The following PYGL variants were observed in gnomAD, a reference collection of about 807,000 sequenced individuals.
PYGL encodes the protein glycogen phosphorylase, liver form.
A neutral mutation model predicts 100.1 loss-of-function variants in PYGL; 90 were observed. The ratio of observed to expected loss-of-function variants is 0.90; its 90% confidence interval spans 0.76 to 1.07. PYGL has a LOEUF of 1.07. Ranked by LOEUF, PYGL falls within the 50% of genes least tolerant of loss-of-function variation. PYGL has a pLI of 0.00. For synonymous variants in PYGL, 373 were observed against 393.0 expected, an observed-to-expected ratio of 0.95 and a Z score of 0.60; for missense variants, 1,016 against 1,057.6, an observed-to-expected ratio of 0.96 and a Z score of 0.55.
Position 50,944,373 on chromosome 14 carries a change from G to T in PYGL, c.31C>A (p.Arg11=), listed in dbSNP as rs758520596. MAKPLTDQEK[R]RQISIRGIVG... The stretch of plus-strand genomic sequence containing the variant: ...ATGCCGCGGATGCTGATCTGCCGCC[G>T]CTTCTCCTGGTCCGTCAGGGGCTTC... Residue 11 remains arginine, a synonymous_variant, in exon 1 of 20, where the codon CGG becomes AGG. Coordinates refer to ENST00000216392, the MANE Select transcript of PYGL (RefSeq NM_002863.5). 6.2e-6 allele frequency: 10 copies of T among 1,613,232 alleles called. No individual in the cohort carries two copies. In the South Asian group the frequency reaches 8.8e-5, roughly 14 times the overall value.
intron 19 of PYGL, chr14:50,908,064 A>G (rs1480340060): frequency 4.5e-6 from 2 of 444,544 alleles, no homozygotes; most frequent in Admixed American, 8.1e-5. Context: ...CTGAAATGTC[A>G]AATCTCAACC....
intron 1 of PYGL, among the ~76,000 whole-genome samples, chr14:50,942,192 T>C (rs1403312971): frequency 1.1e-5 from 1 of 94,400 alleles, no homozygotes; most frequent in Non-Finnish European, 2.5e-5. Context: ...ACGTGTGGAA[T>C]GAAACATGTT....
chr14:50,923,057 A>G (rs1036650786), intron 5 of PYGL, among the ~76,000 whole-genome samples: 15 of 152,174 alleles, frequency 9.9e-5, no homozygotes, highest in African/African-American at 3.6e-4. Flanking sequence ...ACTTCAATCT[A>G]TGAGGCTAAG....
Position 50,913,147 on chromosome 14 carries a change from AAAG to A in PYGL, c.1519-20_1519-18del. 1 of 1,610,246 alleles carries A rather than the reference AAAG, an allele frequency of 6.2e-7. No individual in the cohort carries two copies. Among genetic ancestry groups the A allele is most frequent in the Non-Finnish European group, 8.5e-7 (1 of 1,176,946 alleles). On this transcript the variant is annotated intron_variant, in intron 12 of 19. Coordinates refer to ENST00000216392, the MANE Select transcript of PYGL (RefSeq NM_002863.5). ...TCCAATTTTCTTTCAATTCAAAGGA[AAAG>A]ATGACTTCAATTTGGGGATGGTAAT... is the stretch of plus-strand genomic sequence containing the variant.
At chr14:50,916,239 T>C (rs1164496348) in intron 9 of PYGL, among the ~76,000 whole-genome samples, 1 of 152,256 alleles carries the variant, frequency 6.6e-6, no homozygotes, top group African/African-American at 2.4e-5. Flanking sequence ...TTTCACTTAT[T>C]AAATACACAG....
intron 3 of PYGL, among the ~76,000 whole-genome samples, chr14:50,934,659 GTA>G (rs3837582): frequency 0.025 from 3,851 of 151,090 alleles, 93 homozygotes; most frequent in East Asian, 0.07. Flanking sequence ...GTATGTGTGT[GTA>G]TATATATATA....
In PYGL at chr14:50,915,118, C is replaced by T. The variant is rs371803327; in HGVS notation, c.1403+218G>A. ...TTTTGTTTGTTTGTTTGTTTTGGCT[C>T]CTATGTCTAGAATTAAGATGGCTCT... On this transcript the variant is annotated intron_variant, in intron 11 of 19. Coordinates refer to ENST00000216392, the MANE Select transcript of PYGL (RefSeq NM_002863.5). 3.2e-5 allele frequency: 21 copies of T among 666,338 alleles called. 1 individual carries two copies. Among genetic ancestry groups the T allele is most frequent in the African/African-American group, 2.6e-4 (14 of 54,790 alleles). The allele number at this position is 666,338 out of a possible 1,614,324, so 41.3% of individuals were successfully genotyped here.
At position 50,911,995 on chromosome 14, in the gene PYGL, C is replaced by T; in HGVS notation, c.1810G>A (p.Val604Ile). 1 of 1,613,890 alleles carries T rather than the reference C, an allele frequency of 6.2e-7. No individual in the cohort carries two copies. The highest frequency in any genetic ancestry group is 8.5e-7 in the Non-Finnish European group (1 of 1,179,738). Residue 604 changes from valine (V) to isoleucine (I), a missense_variant, in exon 15 of 20, where the codon GTT becomes ATT. Val to Ile is a conservative substitution (Grantham distance 29, BLOSUM62 3). Coordinates refer to ENST00000216392, the MANE Select transcript of PYGL (RefSeq NM_002863.5). Reference sequence around the variant, plus strand: ...CAACTTACTTTACCACCAATGATAACTGTCCTTGGCACGAATAACTTCTTA... The same window carrying T: ...CAACTTACTTTACCACCAATGATAATTGTCCTTGGCACGAATAACTTCTTA... Reference protein sequence around the residue: ...DPKKLFVPRTVIIGGKAAPGY... With the variant: ...DPKKLFVPRTIIIGGKAAPGY...
At chr14:50,935,519 T>C (rs1321568353) in intron 2 of PYGL, among the ~76,000 whole-genome samples, 1 of 152,212 alleles carries the variant, frequency 6.6e-6, no homozygotes, top group African/African-American at 2.4e-5. Flanking sequence ...TCACTGATGA[T>C]TGCCGTGAAT....
At chr14:50,941,066 C>T (rs550848629) in intron 1 of PYGL, among the ~76,000 whole-genome samples, 20 of 152,246 alleles carry the variant, frequency 1.3e-4, no homozygotes, top group Non-Finnish European at 2.2e-4. Context: ...GAAGTGCTTT[C>T]GAATACTTGC....
Position 50,909,919 on chromosome 14 carries a change from T to G in PYGL, c.2153A>C (p.Asp718Ala), listed in dbSNP as rs1462621439. ...NLFIFGMRIDDVAALDKKGYE... is the reference protein window; with the variant it reads ...NLFIFGMRIDAVAALDKKGYE... Reference sequence around the variant, plus strand: ...CCCTTTCTTGTCCAAAGCAGCCACATCATCTATCCTCATGCCAAAGATGAA... The same window carrying G: ...CCCTTTCTTGTCCAAAGCAGCCACAGCATCTATCCTCATGCCAAAGATGAA... Residue 718 changes from aspartate to alanine, a missense_variant, in exon 17 of 20, where the codon GAT (aspartate) becomes GCT (alanine). By Grantham distance (126) the Asp-to-Ala change is moderately radical. Coordinates refer to ENST00000216392, the MANE Select transcript of PYGL (RefSeq NM_002863.5). 6.2e-7 allele frequency: 1 copy of G among 1,614,058 alleles called. No homozygotes were observed. Among genetic ancestry groups the G allele is most frequent in the Non-Finnish European group, 8.5e-7 (1 of 1,180,042 alleles).
intron 4 of PYGL, among the ~76,000 whole-genome samples, chr14:50,930,024 C>T (rs1284303509): frequency 1.3e-5 from 2 of 152,098 alleles, no homozygotes; most frequent in Non-Finnish European, 2.9e-5. Context: ...CTTTATCTTT[C>T]TGGCCTTCTC....
chr14:50,935,371 G>A (rs748466094), intron 2 of PYGL, among the ~76,000 whole-genome samples, 186 bp from the exon 3 acceptor site: 2 of 152,228 alleles, frequency 1.3e-5, no homozygotes, highest in Non-Finnish European at 2.9e-5. Flanking sequence ...ATGAGATGGT[G>A]CAGCTGCAGC....
At chr14:50,921,123 T>A (rs1443030006) in intron 5 of PYGL, 56 bp from the exon 6 acceptor site, 2 of 1,380,168 alleles carry the variant, frequency 1.4e-6, no homozygotes, top group African/African-American at 2.9e-5. Context: ...ATGACATAGG[T>A]TGAACAAGGG....
At position 50,910,075 on chromosome 14, in the gene PYGL, T is replaced by C. The variant is rs747042783; in HGVS notation, c.1997A>G (p.Gln666Arg). The C allele has an allele frequency of 6.2e-7, 1 of 1,614,158 alleles. No individual in the cohort carries two copies. Among genetic ancestry groups the C allele is most frequent in the Non-Finnish European group, 8.5e-7 (1 of 1,179,954 alleles). Residue 666 changes from glutamine to arginine, a missense_variant, in exon 17 of 20, where the codon CAG (glutamine) becomes CGG (arginine). Gln to Arg is a conservative substitution (Grantham distance 43). Coordinates refer to ENST00000216392, the MANE Select transcript of PYGL (RefSeq NM_002863.5). ...KVIPATDLSE[Q>R]ISTAGTEASG... ...GGCTTCGGTGCCTGCAGTGGAAATC[T>C]GCTCTGACAGATCTGTGGCTGGAAT... is the stretch of plus-strand genomic sequence containing the variant.
intron 1 of PYGL, among the ~76,000 whole-genome samples, chr14:50,942,237 T>C (rs1326998683): frequency 7.1e-6 from 1 of 141,578 alleles, no homozygotes; most frequent in African/African-American, 2.5e-5. Flanking sequence ...CTATCAGAAT[T>C]TACACACGTC....
At chr14:50,923,825 A>G (rs2050523141) in intron 5 of PYGL, 144 bp downstream of exon 5, 1 of 1,086,416 alleles carries the variant, frequency 9.2e-7, no homozygotes, top group African/African-American at 1.6e-5. Flanking sequence ...GAGAAGTAAC[A>G]GATTTATTTA....
chr14:50,908,280 C>T lies in PYGL; in HGVS notation c.2370G>A (p.Gln790=). ...AYVKCQDKVS[Q]LYMNPKAWNT... ...TTGGCAATTTACTCACCATGTACAG[C>T]TGACTCACTTTATCTTGACACTTGA... The change falls in exon 19 of 20, where the codon CAG becomes CAA. Residue 790 remains glutamine (Q), a synonymous_variant. Coordinates refer to ENST00000216392, the MANE Select transcript of PYGL (RefSeq NM_002863.5). 1 of 1,592,508 alleles carries T rather than the reference C, an allele frequency of 6.3e-7. No homozygotes were observed. The highest frequency in any genetic ancestry group is 1.7e-5 in the Admixed American group (1 of 59,976).
Position 50,944,174 on chromosome 14 carries a change from T to C in PYGL, c.230A>G (p.Asp77Gly), listed in dbSNP as rs2050728171. The change falls in exon 1 of 20, where the codon GAC becomes GGC. Residue 77 changes from aspartate to glycine, a missense_variant. Physicochemically the swap from Asp to Gly is moderately conservative, Grantham distance 94. Coordinates refer to ENST00000216392, the MANE Select transcript of PYGL (RefSeq NM_002863.5). ...GCCCCCGGTTACCTTGGGGCACTTG[T>C]CGTAGTAGTGCTGCTGCGTGCGGAT... is the stretch of plus-strand genomic sequence containing the variant. Reference protein sequence around the residue: ...RWIRTQQHYYDKCPKRVYYLS... With the variant: ...RWIRTQQHYYGKCPKRVYYLS... The C allele has an allele frequency of 6.2e-7, 1 of 1,606,798 alleles. No individual in the cohort carries two copies. Among genetic ancestry groups the C allele is most frequent in the Non-Finnish European group, 8.5e-7 (1 of 1,179,264 alleles).
Sources: allele counts gnomAD v4.1 joint callset (sites outside exome capture counted in the v4.1 genomes callset), GRCh38; gene constraint gnomAD v4.1.1; transcripts MANE v1.5; gene names NCBI Gene and HGNC (gene_info 2026-07-23, HGNC 2026-07-21).